AK8: variants seen among roughly 807,000 people sequenced by gnomAD.
AK8 encodes the protein ATP-AMP transphosphorylase 8.
Under a neutral mutation model 54.6 loss-of-function variants are expected in AK8, and 44 were observed. That is an observed-to-expected ratio of 0.81 (90% CI 0.63 to 1.04). The LOEUF is 1.04. Ranked by LOEUF, AK8 falls within the 50% of genes least tolerant of loss-of-function variation. AK8 has a pLI of 0.00. For missense variants in AK8, 555 were observed against 613.6 expected (o/e 0.90, Z 1.01); for synonymous variants, 239 against 245.6 (o/e 0.97, Z 0.25).
chr9:132,844,360 C>A (rs1842665567), intron 5 of AK8, among the ~76,000 whole-genome samples: 1 of 151,074 alleles, frequency 6.6e-6, no homozygotes, highest in African/African-American at 2.4e-5. Context: ...ACTACAGAAT[C>A]CTGATGGGTT....
intron 4 of AK8, among the ~76,000 whole-genome samples, chr9:132,862,522 T>G (rs1203891374): frequency 6.6e-6 from 1 of 151,754 alleles, no homozygotes; most frequent in Non-Finnish European, 1.5e-5. Flanking sequence ...AGAAATAGGG[T>G]TTCACCATGT....
chr9:132,840,981 T>A (rs1011376991), intron 5 of AK8, among the ~76,000 whole-genome samples: 24 of 152,132 alleles, frequency 1.6e-4, no homozygotes, highest in African/African-American at 5.3e-4. Context: ...GATCCTCAAA[T>A]GGCCTTCACC....
intron 7 of AK8, 192 bp from the exon 8 acceptor site, chr9:132,827,246 C>A: frequency 3.2e-6 from 2 of 634,384 alleles, no homozygotes; most frequent in East Asian, 2.6e-5. Flanking sequence ...AACTATTATT[C>A]TTGTTACAAT....
At chr9:132,794,145 T>C (rs76311646) in intron 10 of AK8, among the ~76,000 whole-genome samples, 1,715 of 152,308 alleles carry the variant, frequency 0.011, 36 homozygotes, top group African/African-American at 0.04. Flanking sequence ...TCTCATGCCC[T>C]TCAGCCTTTC....
At chr9:132,874,481 G>A (rs1225083781) in intron 2 of AK8, 1 of 152,452 alleles carries the variant, frequency 6.6e-6, no homozygotes, top group Non-Finnish European at 1.5e-5. Flanking sequence ...CCAAGACATC[G>A]GTCCTCCCCA....
chr9:132,851,677 T>C (rs1036709586), intron 5 of AK8, among the ~76,000 whole-genome samples: 1 of 152,242 alleles, frequency 6.6e-6, no homozygotes, highest in Admixed American at 6.5e-5. Flanking sequence ...CAGAGCTGCA[T>C]GGTCGGTCAC....
chr9:132,876,979 T>C (rs149449452), intron 1 of AK8, among the ~76,000 whole-genome samples: 47 of 152,064 alleles, frequency 3.1e-4, no homozygotes, highest in South Asian at 2.1e-3. Flanking sequence ...GGCAGAAGGA[T>C]TGCTTGAGCC....
chr9:132,835,816 C>G (rs1460988620), intron 5 of AK8, among the ~76,000 whole-genome samples: 1 of 152,022 alleles, frequency 6.6e-6, no homozygotes, highest in Non-Finnish European at 1.5e-5. Flanking sequence ...AGCGAGACCC[C>G]GCTTCTACAA....
chr9:132,826,306 C>T lies in AK8; in HGVS notation c.757+548G>A, dbSNP rs1329539615. ...GCTCAGCTCAGCCATCCCCGCACCT[C>T]GCACAGGCTGCCCGCAGTGGCTCCC... is the stretch of plus-strand genomic sequence containing the variant. On this transcript the variant is annotated intron_variant, in intron 8 of 12. Coordinates refer to ENST00000298545, the MANE Select transcript of AK8 (RefSeq NM_152572.3). This position sits in a 1 kb window ranked among gnomAD's most constrained non-coding sequence, Gnocchi z 4.5. 2.0e-5 allele frequency among the ~76,000 whole-genome samples: 3 copies of T among 152,162 alleles called. No individual in the cohort carries two copies. The highest frequency in any genetic ancestry group is 2.9e-5 in the Non-Finnish European group (2 of 68,026).
At chr9:132,738,286 C>T (rs1274817640) in intron 11 of AK8, among the ~76,000 whole-genome samples, 1 of 152,078 alleles carries the variant, frequency 6.6e-6, no homozygotes, top group Non-Finnish European at 1.5e-5. Context: ...ATTTCCTGAC[C>T]TCGTGATCTG....
chr9:132,850,457 C>T (rs1445158931), intron 5 of AK8, among the ~76,000 whole-genome samples: 9 of 144,740 alleles, frequency 6.2e-5, no homozygotes, highest in Non-Finnish European at 1.0e-4. Context: ...AGTGCAGTGG[C>T]GTGATGTTGG....
intron 11 of AK8, among the ~76,000 whole-genome samples, chr9:132,743,688 G>A (rs1344063607): frequency 6.6e-6 from 1 of 152,138 alleles, no homozygotes; most frequent in Non-Finnish European, 1.5e-5. Flanking sequence ...CCATTAATCA[G>A]CACCAAAACT....
Position 132,754,433 on chromosome 9 carries a change from C to T in AK8, c.1122-26899G>A, listed in dbSNP as rs530387706. 7.2e-5 allele frequency among the ~76,000 whole-genome samples: 11 copies of T among 152,320 alleles called. No individual in the cohort carries two copies. In the East Asian group the frequency reaches 2.1e-3, roughly 29 times the overall value. On this transcript the variant is annotated intron_variant, in intron 11 of 12. Transcript: ENST00000298545. ...CCCAGCGTGTAACACTGGCATTAAT[C>T]ACCAGTGACTCTGAATGTTCGTGGA...
chr9:132,857,369 G>A (rs1843211703), intron 4 of AK8, among the ~76,000 whole-genome samples: 1 of 152,124 alleles, frequency 6.6e-6, no homozygotes, highest in South Asian at 2.1e-4. Context: ...CACCTACACA[G>A]GGCCCCCGGG....
intron 11 of AK8, among the ~76,000 whole-genome samples, chr9:132,737,353 T>G (rs1837170121): frequency 6.6e-6 from 1 of 152,176 alleles, no homozygotes; most frequent in East Asian, 1.9e-4. Flanking sequence ...CTACATAAAC[T>G]CTTTCAGAAA....
chr9:132,753,408 G>A (rs774759596), intron 11 of AK8, among the ~76,000 whole-genome samples: 1 of 152,254 alleles, frequency 6.6e-6, no homozygotes, highest in Non-Finnish European at 1.5e-5. Context: ...TCTGGGAAGG[G>A]CTTAGGGGCA....
At chr9:132,862,130 T>C (rs1004563687) in intron 4 of AK8, among the ~76,000 whole-genome samples, 2 of 152,122 alleles carry the variant, frequency 1.3e-5, no homozygotes, top group African/African-American at 4.8e-5. Context: ...TCTAAAACCA[T>C]ATTCCCAGCC....
chr9:132,854,904 C>T lies in AK8; in HGVS notation c.355G>A (p.Val119Ile), dbSNP rs755292005. 2.1e-5 allele frequency: 34 copies of T among 1,613,970 alleles called. No homozygotes were observed. The highest frequency in any genetic ancestry group is 1.3e-4 in the East Asian group (6 of 44,868). ...QRKTVPSALL[V>I]QLIQERLAEE... Reference sequence around the variant, plus strand: ...GCCAGGCGTTCCTGAATCAGCTGGACGAGCAGCGCGCTGGGAACTGTCTGA... The same window carrying T: ...GCCAGGCGTTCCTGAATCAGCTGGATGAGCAGCGCGCTGGGAACTGTCTGA... The change falls in exon 5 of 13, where the codon GTC becomes ATC. Residue 119 changes from valine to isoleucine, a missense_variant. Physicochemically the swap from Val to Ile is conservative, Grantham distance 29 (BLOSUM62 3). Coordinates refer to ENST00000298545, the MANE Select transcript of AK8 (RefSeq NM_152572.3).
At chr9:132,736,763 T>G in intron 11 of AK8, among the ~76,000 whole-genome samples, 2 of 130,710 alleles carry the variant, frequency 1.5e-5, no homozygotes, top group South Asian at 2.3e-4. Flanking sequence ...CCAGCCTGGG[T>G]GACAGAGTGA....
Sources: gnomAD v4.1 joint callset for allele counts (sites outside exome capture counted in the v4.1 genomes callset) on GRCh38, gnomAD v4.1.1 for gene constraint, Gnocchi (gnomAD v3.1) non-coding constraint, MANE v1.5 for transcripts, NCBI Gene and HGNC (gene_info 2026-07-23, HGNC 2026-07-21) for gene names.